IFFO1: variants seen among roughly 807,000 people sequenced by gnomAD.
The protein encoded by IFFO1 is non-homologous end joining factor IFFO1.
IFFO1 carries 42 observed loss-of-function variants against 59.6 expected under a neutral mutation model. The observed-to-expected ratio is 0.70, with a 90% CI of 0.55 to 0.91. The LOEUF (loss-of-function observed/expected upper bound fraction) is 0.91, where lower values mean the gene tolerates loss of function less well. IFFO1 is among the 40% of genes least tolerant of loss of function. The pLI is 0.00. For missense variants in IFFO1, 711 were observed against 793.2 expected, an observed-to-expected ratio of 0.90 and a Z score of 1.24; for synonymous variants, 336 against 342.8, an observed-to-expected ratio of 0.98 and a Z score of 0.22.
rs1565571519 is a variant in IFFO1 at position 6,548,818 on chromosome 12, G to A, written c.1112C>T (p.Ser371Phe). ...SLHLSPIKVP[S>F]MGGRKRERKA... ...GCGCTCCCGCTTCCGCCCCCCCATG[G>A]ATGGGACCTTAATGGGAGACAAGTG... The change falls in exon 6 of 10, where the codon TCC becomes TTC. Residue 371 changes from serine (S) to phenylalanine (F), a missense_variant. By Grantham distance (155) the Ser-to-Phe change is radical. This residue lies in a region of IFFO1 where 579 missense variants were observed against 650.3 expected (regional missense o/e 0.89). Transcript: ENST00000619571. The surrounding 1 kb of genome is among the most constrained non-coding windows in gnomAD (Gnocchi z 6.1). The A allele has an allele frequency of 6.2e-7, 1 of 1,612,942 alleles. No homozygotes were observed. The highest frequency in any genetic ancestry group is 2.2e-5 in the East Asian group (1 of 44,856).
chr12:6,548,185 A>G lies in IFFO1; in HGVS notation c.1384-25T>C. The G allele has an allele frequency of 6.3e-7, 1 of 1,586,740 alleles. No individual in the cohort carries two copies. Among genetic ancestry groups the G allele is most frequent in the Non-Finnish European group, 8.7e-7 (1 of 1,155,260 alleles). ...GCTGGAGTAGAAAGGGAAGCGGGGG[A>G]GGCCAGCCAAGGAGGGATGGGATGG... On this transcript the variant is annotated intron_variant, in intron 7 of 9. Transcript: ENST00000619571. The surrounding 1 kb of genome is among the most constrained non-coding windows in gnomAD (Gnocchi z 6.1).
chr12:6,548,636 CG>C lies in IFFO1; in HGVS notation c.1262+31del. On this transcript the variant is annotated intron_variant, in intron 6 of 9. Coordinates refer to ENST00000619571, the MANE Select transcript of IFFO1 (RefSeq NM_001193457.2). This position sits in a 1 kb window ranked among gnomAD's most constrained non-coding sequence, Gnocchi z 6.1. Reference sequence around the variant, plus strand: ...CCGGCCTCCTGGGCTGCTGTGGCGTCGGTGCTGCGGGAGCACGGCCTGCGGA... The same window carrying C: ...CCGGCCTCCTGGGCTGCTGTGGCGTCGTGCTGCGGGAGCACGGCCTGCGGA... The C allele has an allele frequency of 6.2e-7, 1 of 1,613,844 alleles. No homozygotes were observed. Among genetic ancestry groups the C allele is most frequent in the Non-Finnish European group, 8.5e-7 (1 of 1,179,842 alleles).
At chr12:6,540,632 C>G in intron 9 of IFFO1, 44 bp from the exon 10 acceptor site, 1 of 1,514,444 alleles carries the variant, frequency 6.6e-7, no homozygotes, top group Non-Finnish European at 9.2e-7. Flanking sequence ...AGGCAGGAAT[C>G]CTGAAGACGG....
chr12:6,551,301 C>T (rs1206017315), intron 1 of IFFO1: 6 of 698,854 alleles, frequency 8.6e-6, no homozygotes, highest in Non-Finnish European at 1.1e-5. Context: ...GATGCCCATC[C>T]CTGCTCAGGC....
At chr12:6,545,878 A>C (rs1186685746) in intron 8 of IFFO1, among the ~76,000 whole-genome samples, 4 of 152,150 alleles carry the variant, frequency 2.6e-5, no homozygotes, top group African/African-American at 4.8e-5. Flanking sequence ...TTACTTCATA[A>C]TGGCCCCAAA....
At chr12:6,542,143 G>C (rs538916937) in intron 8 of IFFO1, among the ~76,000 whole-genome samples, 46 of 152,276 alleles carry the variant, frequency 3.0e-4, no homozygotes, top group African/African-American at 9.4e-4. Flanking sequence ...TACAAGCCTG[G>C]CTAACTGCTG....
intron 8 of IFFO1, among the ~76,000 whole-genome samples, chr12:6,542,017 G>A (rs1167789120): frequency 6.6e-6 from 1 of 152,144 alleles, no homozygotes; most frequent in Non-Finnish European, 1.5e-5. Flanking sequence ...TACTGCGCTG[G>A]TCCTGGGCTG....
At chr12:6,554,292 G>A (rs530328412) in intron 1 of IFFO1, among the ~76,000 whole-genome samples, 18 of 152,266 alleles carry the variant, frequency 1.2e-4, no homozygotes, top group African/African-American at 4.3e-4. Flanking sequence ...GAGAGGGGAG[G>A]CCGCCAAACC....
chr12:6,543,263 T>C (rs1451852244), intron 8 of IFFO1, among the ~76,000 whole-genome samples: 1 of 152,152 alleles, frequency 6.6e-6, no homozygotes, highest in Non-Finnish European at 1.5e-5. Flanking sequence ...GTTCCCCTAA[T>C]GCAGAAGTCC....
rs1035030061 is a variant in IFFO1, at chr12:6,548,948, G to C, written c.1081-99C>G. 8 of 978,426 alleles carry C rather than the reference G, an allele frequency of 8.2e-6. No homozygotes were observed. Among genetic ancestry groups the C allele is most frequent in the African/African-American group, 3.3e-5 (2 of 61,206 alleles). The allele number at this position is 978,426 out of a possible 1,614,324, so 60.6% of individuals were successfully genotyped here. A position where few individuals can be genotyped will look rare whatever the true frequency, so the allele number is the denominator to read the frequency against. ...GGAGAAGCATGAACCAGTAGGAAGG[G>C]GGGGCAGACAGAGAGAAAAGTCACA... On this transcript the variant is annotated intron_variant, in intron 5 of 9. Transcript: ENST00000619571. The surrounding 1 kb of genome is among the most constrained non-coding windows in gnomAD (Gnocchi z 6.1).
intron 3 of IFFO1, 149 bp downstream of exon 3, chr12:6,550,546 T>A: frequency 5.2e-6 from 3 of 575,252 alleles, no homozygotes; most frequent in African/African-American, 1.9e-5. Context: ...TTCTCTGGAG[T>A]TAGGGGTGGC....
intron 8 of IFFO1, among the ~76,000 whole-genome samples, chr12:6,546,933 G>T (rs1946993671): frequency 6.6e-6 from 1 of 152,194 alleles, no homozygotes; most frequent in South Asian, 2.1e-4. Flanking sequence ...CTGAGTGGAA[G>T]AAACAGGAAA....
At position 6,548,002 on chromosome 12, in the gene IFFO1, G is replaced by C; in HGVS notation, c.1479+63C>G. The C allele has an allele frequency of 8.2e-7, 1 of 1,217,228 alleles. No individual in the cohort carries two copies. Among genetic ancestry groups the C allele is most frequent in the Non-Finnish European group, 1.2e-6 (1 of 819,386 alleles). The allele number at this position is 1,217,228 out of a possible 1,614,324, so 75.4% of individuals were successfully genotyped here. A position where few individuals can be genotyped will look rare whatever the true frequency, so the allele number is the denominator to read the frequency against. ...CCTGCAGCAGGGATGAGGCCACTGC[G>C]CCTGCAGCCCCACTCAAAACCCTCT... On this transcript the variant is annotated intron_variant, in intron 8 of 9. Transcript: ENST00000619571. This position sits in a 1 kb window ranked among gnomAD's most constrained non-coding sequence, Gnocchi z 6.1.
intron 1 of IFFO1, among the ~76,000 whole-genome samples, chr12:6,552,589 C>T (rs2136141241): frequency 6.6e-6 from 1 of 152,322 alleles, no homozygotes; most frequent in South Asian, 2.1e-4. Flanking sequence ...GCCGGGAGCC[C>T]ACGAGTCCCT....
Position 6,550,802 on chromosome 12 carries a change from A to G in IFFO1, c.835-12T>C. ...GCCTCCTGGGCTTCCTGCAGTTGGG[A>G]GAAACCCTGATGTTGGTGGCACTGC... On this transcript the variant is annotated splice_polypyrimidine_tract_variant and intron_variant, in intron 2 of 9. Coordinates refer to ENST00000619571, the MANE Select transcript of IFFO1 (RefSeq NM_001193457.2). 3.7e-6 allele frequency: 6 copies of G among 1,613,130 alleles called. No individual in the cohort carries two copies. The highest frequency in any genetic ancestry group is 5.1e-6 in the Non-Finnish European group (6 of 1,179,178).
chr12:6,549,341 G>GCTC lies in IFFO1; in HGVS notation c.1080+134_1080+135insGAG. ...AAGAGATAGAGAGAAAAAGGGGGAAGAGCAAGGAAAAGGGAAAGGGCAGAA... is the reference window on the plus strand; with the variant it reads ...AAGAGATAGAGAGAAAAAGGGGGAAGCTCAGCAAGGAAAAGGGAAAGGGCAGAA... On this transcript the variant is annotated intron_variant, in intron 5 of 9. Coordinates refer to ENST00000619571, the MANE Select transcript of IFFO1 (RefSeq NM_001193457.2). This position sits in a 1 kb window ranked among gnomAD's most constrained non-coding sequence, Gnocchi z 5.0. 1 of 782,342 alleles carries GCTC rather than the reference G, an allele frequency of 1.3e-6. No homozygotes were observed. The highest frequency in any genetic ancestry group is 2.2e-6 in the Non-Finnish European group (1 of 457,740). 48.5% of individuals were successfully genotyped at this position (782,342 alleles called of 1,614,324 possible). A position where few individuals can be genotyped will look rare whatever the true frequency, so the allele number is the denominator to read the frequency against.
Position 6,555,639 on chromosome 12 carries a change from C to A in IFFO1, c.391G>T (p.Val131Phe). Residue 131 changes from valine (V) to phenylalanine (F), a missense_variant, in exon 1 of 10, where the codon GTC becomes TTC. Physicochemically the swap from Val to Phe is conservative, Grantham distance 50. Coordinates refer to ENST00000619571, the MANE Select transcript of IFFO1 (RefSeq NM_001193457.2). This position sits in a 1 kb window ranked among gnomAD's most constrained non-coding sequence, Gnocchi z 8.6. ...RRDQAVQTGFVSPIRPLGLQL... is the reference protein window; with the variant it reads ...RRDQAVQTGFFSPIRPLGLQL... ...AGCCCCAGGGGCCGGATGGGGCTGA[C>A]GAAGCCGGTCTGCACTGCCTGGTCG... 1.3e-6 allele frequency: 2 copies of A among 1,548,180 alleles called. No individual in the cohort carries two copies. Among genetic ancestry groups the A allele is most frequent in the South Asian group, 1.2e-5 (1 of 85,108 alleles).
In IFFO1 at chr12:6,540,368, C is replaced by T; in HGVS notation, c.*115G>A. ...GCCTGAGGGAGGAGCGCCCCAGTCC[C>T]CAGGGACCGGCCTGGTGCAGAGCTG... On this transcript the variant is annotated 3_prime_UTR_variant, in exon 10 of 10. Transcript: ENST00000619571. 2 of 877,626 alleles carry T rather than the reference C, an allele frequency of 2.3e-6. No homozygotes were observed. The highest frequency in any genetic ancestry group is 3.8e-6 in the Non-Finnish European group (2 of 527,482). 54.4% of individuals were successfully genotyped at this position (877,626 alleles called of 1,614,324 possible).
chr12:6,539,446 C>CCAT (rs1257483795), downstream of IFFO1: 1 of 151,102 alleles, frequency 6.6e-6, no homozygotes, highest in Non-Finnish European at 1.5e-5. Flanking sequence ...GTATGAGACT[C>CCAT]CATCTCAAAA....
Sources: allele counts gnomAD v4.1 joint callset (sites outside exome capture counted in the v4.1 genomes callset), GRCh38; gene constraint gnomAD v4.1.1; regional missense constraint gnomAD v4.1.1; non-coding constraint Gnocchi (gnomAD v3.1); transcripts MANE v1.5; gene names NCBI Gene and HGNC (gene_info 2026-07-23, HGNC 2026-07-21).